Variants in AMPH observed in about 807,000 individuals in gnomAD.
AMPH encodes amphiphysin (Stiff-Mann syndrome with breast cancer 128kD autoantigen).
In AMPH, 49 loss-of-function variants were observed where a neutral mutation model predicts 99.1. The observed-to-expected ratio is 0.49, with a 90% CI of 0.39 to 0.63. AMPH has a LOEUF of 0.63. Ranked by LOEUF, AMPH falls within the 20% of genes least tolerant of loss-of-function variation. The pLI, the probability that AMPH is intolerant of heterozygous loss-of-function variation, is 0.00. For synonymous variants in AMPH, 314 were observed against 317.3 expected, an observed-to-expected ratio of 0.99 and a Z score of 0.11; for missense variants, 759 against 863.4, an observed-to-expected ratio of 0.88 and a Z score of 1.52.
At chr7:38,605,400 C>G (rs1793398916) in intron 1 of AMPH, among the ~76,000 whole-genome samples, 3 of 152,094 alleles carry the variant, frequency 2.0e-5, no homozygotes, top group African/African-American at 4.8e-5. Flanking sequence ...CTTTGGGCCC[C>G]TTTTTGAGAA....
chr7:38,534,947 T>C lies in AMPH; in HGVS notation c.134A>G (p.Asn45Ser), dbSNP rs956339668. The C allele has an allele frequency of 4.3e-6, 7 of 1,613,974 alleles. No individual in the cohort carries two copies. Among genetic ancestry groups the C allele is most frequent in the Non-Finnish European group, 5.9e-6 (7 of 1,179,968 alleles). ...TGGACTCACTTCTTGCCGTTTGAAG[T>C]TCTGGACATATTCTTCGAACTGTTC... ...KDEQFEEYVQNFKRQEAEGTR... is the reference protein window; with the variant it reads ...KDEQFEEYVQSFKRQEAEGTR... Residue 45 changes from asparagine to serine, a missense_variant, in exon 2 of 21, where the codon AAC becomes AGC. By Grantham distance (46) the Asn-to-Ser change is conservative. Coordinates refer to ENST00000356264, the MANE Select transcript of AMPH (RefSeq NM_001635.4).
chr7:38,620,184 T>A (rs1012714183), intron 1 of AMPH, among the ~76,000 whole-genome samples: 1 of 152,130 alleles, frequency 6.6e-6, no homozygotes, highest in Non-Finnish European at 1.5e-5. Flanking sequence ...GACCACTGCC[T>A]GCAAAATAAT....
At chr7:38,550,146 T>C (rs1791130111) in intron 1 of AMPH, among the ~76,000 whole-genome samples, 1 of 152,236 alleles carries the variant, frequency 6.6e-6, no homozygotes, top group Non-Finnish European at 1.5e-5. Context: ...ATAAGTATGC[T>C]GATTCTTTAT....
At position 38,586,382 on chromosome 7, in the gene AMPH, A is replaced by G. The variant is rs527903939; in HGVS notation, c.69+44901T>C. ...ACTACAGTGGTGTCTCAAATTTTGTATTTTCTATAATAACATAGATTCTTC... is the reference window on the plus strand; with the variant it reads ...ACTACAGTGGTGTCTCAAATTTTGTGTTTTCTATAATAACATAGATTCTTC... On this transcript the variant is annotated intron_variant, in intron 1 of 20. Coordinates refer to ENST00000356264, the MANE Select transcript of AMPH (RefSeq NM_001635.4). Among the ~76,000 whole-genome samples the G allele has an allele frequency of 2.6e-5, 4 of 152,282 alleles. No individual in the cohort carries two copies. In the East Asian group the frequency reaches 7.7e-4, roughly 29 times the overall value.
chr7:38,398,121 ACAC>A (rs1289101536), intron 17 of AMPH, among the ~76,000 whole-genome samples: 6 of 148,416 alleles, frequency 4.0e-5, no homozygotes, highest in East Asian at 2.0e-4. Context: ...AAAAAAAAAA[ACAC>A]AAAAACTAAA....
intron 1 of AMPH, among the ~76,000 whole-genome samples, chr7:38,610,260 AAAAGAAAG>A (rs1359407169): frequency 4.5e-4 from 5 of 11,112 alleles, no homozygotes; most frequent in African/African-American, 3.6e-3. Context: ...AAAAAAAAAA[AAAAGAAAG>A]AAAGAAAGAA....
chr7:38,427,206 T>C (rs1785811645), intron 14 of AMPH, among the ~76,000 whole-genome samples: 1 of 152,094 alleles, frequency 6.6e-6, no homozygotes, highest in African/African-American at 2.4e-5. Context: ...TTTACAATTA[T>C]TGCTGCTGCA....
At chr7:38,394,678 C>T (rs1784615368) in intron 17 of AMPH, among the ~76,000 whole-genome samples, 1 of 152,120 alleles carries the variant, frequency 6.6e-6, no homozygotes, top group South Asian at 2.1e-4. Flanking sequence ...TCCTTTTGTT[C>T]CCAAACACAG....
In AMPH at chr7:38,391,868, C is replaced by G. The variant is rs747533180; in HGVS notation, c.1758G>C (p.Thr586=). 1 of 1,612,816 alleles carries G rather than the reference C, an allele frequency of 6.2e-7. No homozygotes were observed. The highest frequency in any genetic ancestry group is 1.1e-5 in the South Asian group (1 of 90,966). Residue 586 remains threonine, a synonymous_variant, in exon 19 of 21, where the codon ACG becomes ACC. Transcript: ENST00000356264. The part of the protein sequence containing the change: ...GPTSETPELA[T]EQKPIQDPQP... ...GAGGGTCCTGGATAGGCTTCTGCTC[C>G]GTAGCCAGCTCCGGTGTCTCGCTGG...
intron 2 of AMPH, among the ~76,000 whole-genome samples, chr7:38,531,636 A>G (rs1790400743): frequency 6.6e-6 from 1 of 152,208 alleles, no homozygotes; most frequent in Admixed American, 6.5e-5. Context: ...TATAAAAGGA[A>G]TCTAAAAGCA....
intron 14 of AMPH, chr7:38,428,661 G>T: frequency 2.2e-6 from 1 of 456,696 alleles, no homozygotes; most frequent in Non-Finnish European, 4.4e-6. Flanking sequence ...ATTAGATACA[G>T]AGTAGGTCTG....
At chr7:38,594,361 AAC>A (rs1397903338) in intron 1 of AMPH, among the ~76,000 whole-genome samples, 19 of 152,152 alleles carry the variant, frequency 1.2e-4, no homozygotes, top group African/African-American at 4.3e-4. Flanking sequence ...ACTTTCCTAA[AAC>A]ACCCTTTCCT....
chr7:38,569,126 C>A (rs1350000845), intron 1 of AMPH, among the ~76,000 whole-genome samples: 1 of 151,856 alleles, frequency 6.6e-6, no homozygotes, highest in Non-Finnish European at 1.5e-5. Flanking sequence ...GTAATCCAAC[C>A]CTCATCTATT....
intron 11 of AMPH, among the ~76,000 whole-genome samples, chr7:38,447,643 G>A (rs1393158626): frequency 6.6e-6 from 1 of 151,730 alleles, no homozygotes; most frequent in Non-Finnish European, 1.5e-5. Flanking sequence ...TTAACCTTTA[G>A]AATTTGAATA....
chr7:38,538,980 A>G (rs530499046), intron 1 of AMPH, among the ~76,000 whole-genome samples: 2 of 152,340 alleles, frequency 1.3e-5, no homozygotes, highest in African/African-American at 4.8e-5. Context: ...GTATGGTGGT[A>G]GTAAAGCTAC....
chr7:38,563,493 C>A (rs187793289), intron 1 of AMPH, among the ~76,000 whole-genome samples: 67 of 152,252 alleles, frequency 4.4e-4, no homozygotes, highest in Non-Finnish European at 8.2e-4. Flanking sequence ...AAAAGTCATA[C>A]AACCAAAAAG....
intron 1 of AMPH, among the ~76,000 whole-genome samples, chr7:38,602,836 G>A (rs942995724): frequency 6.6e-6 from 1 of 152,122 alleles, no homozygotes; most frequent in Non-Finnish European, 1.5e-5. Context: ...CACTGAAATT[G>A]TGTAGCCTAA....
chr7:38,623,371 T>C (rs931587373), intron 1 of AMPH, among the ~76,000 whole-genome samples: 4 of 152,224 alleles, frequency 2.6e-5, no homozygotes, highest in African/African-American at 9.6e-5. Flanking sequence ...GTTGTACTCA[T>C]TCCTAGAGAA....
chr7:38,582,589 T>G (rs1227561771), intron 1 of AMPH, among the ~76,000 whole-genome samples: 2 of 152,222 alleles, frequency 1.3e-5, no homozygotes, highest in African/African-American at 4.8e-5. Flanking sequence ...TATTATGTTT[T>G]AAATGTTTTT....
Sources: allele counts gnomAD v4.1 joint callset (sites outside exome capture counted in the v4.1 genomes callset), GRCh38; gene constraint gnomAD v4.1.1; transcripts MANE v1.5; gene names NCBI Gene and HGNC (gene_info 2026-07-23, HGNC 2026-07-21).